The following TMEM116 variants were observed in gnomAD, a reference collection of about 807,000 sequenced individuals.
TMEM116 encodes the protein transmembrane protein 116.
A neutral mutation model predicts 44.3 loss-of-function variants in TMEM116; 38 were observed. The observed-to-expected ratio is 0.86, with a 90% CI of 0.66 to 1.12. The LOEUF is 1.12. Among genes scored for constraint, TMEM116 ranks in the 50% most tolerant of loss-of-function variants. The pLI, the probability that TMEM116 is intolerant of heterozygous loss-of-function variation, is 0.00. For synonymous variants in TMEM116, 132 were observed against 144.8 expected (o/e 0.91, Z 0.64); for missense variants, 354 against 401.7 (o/e 0.88, Z 1.01).
At chr12:112,002,125 T>G (rs1050393305) in intron 3 of TMEM116, among the ~76,000 whole-genome samples, 4 of 152,106 alleles carry the variant, frequency 2.6e-5, no homozygotes, top group Non-Finnish European at 5.9e-5. Flanking sequence ...AAAATTTTGT[T>G]TAGTTTGGAG....
intron 4 of TMEM116, among the ~76,000 whole-genome samples, chr12:111,950,069 C>G (rs533164897): frequency 8.4e-4 from 128 of 152,150 alleles, no homozygotes; most frequent in Admixed American, 2.4e-3. Flanking sequence ...GAGCCAAGAT[C>G]GCACCACTGC....
At chr12:111,949,047 G>A (rs2073511941) in intron 4 of TMEM116, among the ~76,000 whole-genome samples, 1 of 152,156 alleles carries the variant, frequency 6.6e-6, no homozygotes, top group Admixed American at 6.5e-5. Context: ...TTAGGAGTTA[G>A]AGGCTGCAGT....
intron 4 of TMEM116, among the ~76,000 whole-genome samples, chr12:111,945,825 T>C (rs2073230333): frequency 6.6e-6 from 1 of 152,204 alleles, no homozygotes; most frequent in Non-Finnish European, 1.5e-5. Context: ...ATAAAAGAGA[T>C]ATGCATTCAG....
chr12:111,999,049 G>C (rs1053579870), intron 3 of TMEM116, among the ~76,000 whole-genome samples: 1 of 151,794 alleles, frequency 6.6e-6, no homozygotes, highest in Non-Finnish European at 1.5e-5. Flanking sequence ...GTATAACAAG[G>C]CATTATTTTG....
At chr12:111,939,904 G>C (rs2072552067) in intron 5 of TMEM116, among the ~76,000 whole-genome samples, 1 of 135,684 alleles carries the variant, frequency 7.4e-6, no homozygotes, top group Non-Finnish European at 1.5e-5. Flanking sequence ...GTGTGTGTGT[G>C]TGTGTGTGTG....
chr12:111,938,204 C>T lies in TMEM116; in HGVS notation c.322G>A (p.Asp108Asn). Residue 108 changes from aspartate to asparagine, a missense_variant, in exon 6 of 11, where the codon GAT (aspartate) becomes AAT (asparagine). Asp to Asn is a conservative substitution (Grantham distance 23). Coordinates refer to ENST00000552374, the MANE Select transcript of TMEM116 (RefSeq NM_001193531.2). ...SGQSTSPLVI[D>N]YTCRVCQMAF... The stretch of plus-strand genomic sequence containing the variant: ...ATTTGACAAACTCGACAAGTATAAT[C>T]TATCACCTGTGAAAAGAATAAATGT... The T allele has an allele frequency of 6.3e-7, 1 of 1,585,302 alleles. No individual in the cohort carries two copies. Among genetic ancestry groups the T allele is most frequent in the Non-Finnish European group, 8.6e-7 (1 of 1,167,902 alleles).
At chr12:112,004,849 C>T (rs2077492671) in intron 2 of TMEM116, among the ~76,000 whole-genome samples, 1 of 151,248 alleles carries the variant, frequency 6.6e-6, no homozygotes, top group Non-Finnish European at 1.5e-5. Flanking sequence ...AGGGTTTCAC[C>T]ATGTTGCCCA....
chr12:111,989,520 CA>C (rs1447915454), intron 4 of TMEM116, among the ~76,000 whole-genome samples: 2 of 152,086 alleles, frequency 1.3e-5, no homozygotes, highest in Non-Finnish European at 2.9e-5. Flanking sequence ...ATGATGAGAC[CA>C]AATTTACATT....
chr12:112,003,582 A>C (rs2077403998), intron 3 of TMEM116: 1 of 511,236 alleles, frequency 2.0e-6, no homozygotes, highest in Non-Finnish European at 3.1e-6. Flanking sequence ...AAAAAAAAAA[A>C]ATAGTTAATC....
chr12:111,953,143 A>G (rs1453203765), intron 4 of TMEM116, among the ~76,000 whole-genome samples: 1 of 152,204 alleles, frequency 6.6e-6, no homozygotes, highest in Non-Finnish European at 1.5e-5. Flanking sequence ...CACTTACAAA[A>G]TAGCAAAATT....
chr12:112,012,082 C>CTTTA (rs987228579), intron 1 of TMEM116: 2 of 152,224 alleles, frequency 1.3e-5, no homozygotes, highest in African/African-American at 4.8e-5. Flanking sequence ...GCCAGTTCGC[C>CTTTA]TTTACATAGA....
chr12:111,953,796 A>C (rs2073904146), intron 4 of TMEM116, among the ~76,000 whole-genome samples: 1 of 152,122 alleles, frequency 6.6e-6, no homozygotes, highest in Non-Finnish European at 1.5e-5. Flanking sequence ...TATTTCTTTT[A>C]GAGAGTCTCT....
chr12:111,933,625 ACTATAGG>A (rs1024358606), intron 9 of TMEM116, among the ~76,000 whole-genome samples: 1 of 150,758 alleles, frequency 6.6e-6, no homozygotes, highest in African/African-American at 2.4e-5. Flanking sequence ...AGTAGCTGGG[ACTATAGG>A]CGCCTACCAC....
chr12:111,995,902 T>C (rs2076905590), intron 3 of TMEM116, among the ~76,000 whole-genome samples: 1 of 151,786 alleles, frequency 6.6e-6, no homozygotes, highest in Non-Finnish European at 1.5e-5. Context: ...TAGCTGGGCA[T>C]GGTGACACAC....
intron 4 of TMEM116, among the ~76,000 whole-genome samples, chr12:111,947,116 A>C (rs78468442): frequency 1.1e-4 from 17 of 152,192 alleles, no homozygotes; most frequent in Non-Finnish European, 2.1e-4. Context: ...TTGGGTTTTT[A>C]ATTAAAGTGT....
At chr12:111,932,966 C>T (rs775981780) in intron 9 of TMEM116, among the ~76,000 whole-genome samples, 2 of 152,156 alleles carry the variant, frequency 1.3e-5, no homozygotes, top group African/African-American at 2.4e-5. Context: ...TCTGGGCGGG[C>T]GCAGTGGCTC....
chr12:111,998,890 GAA>G (rs2077073476), intron 3 of TMEM116, among the ~76,000 whole-genome samples: 1 of 152,146 alleles, frequency 6.6e-6, no homozygotes, highest in African/African-American at 2.4e-5. Context: ...AAACATATCA[GAA>G]GTCTTTGGCA....
chr12:111,936,716 A>T lies in TMEM116; in HGVS notation c.564T>A (p.Phe188Leu). ...CCATAATGGTAAGGAGGCTGAGTAC[A>T]AAGCTGCCCAGGAAAATGGCGATAC... ...FYGIAIFLGS[F>L]VLSLLTIMVL... is the part of the protein sequence containing the mutation. Residue 188 changes from phenylalanine to leucine, a missense_variant, in exon 8 of 11, where the codon TTT (phenylalanine) becomes TTA (leucine). Physicochemically the swap from Phe to Leu is conservative, Grantham distance 22. Coordinates refer to ENST00000552374, the MANE Select transcript of TMEM116 (RefSeq NM_001193531.2). The T allele has an allele frequency of 6.2e-7, 1 of 1,614,120 alleles. No homozygotes were observed. Among genetic ancestry groups the T allele is most frequent in the Non-Finnish European group, 8.5e-7 (1 of 1,179,992 alleles).
At chr12:111,933,318 C>G (rs2136218164) in intron 9 of TMEM116, among the ~76,000 whole-genome samples, 1 of 152,060 alleles carries the variant, frequency 6.6e-6, no homozygotes, top group Non-Finnish European at 1.5e-5. Context: ...TTAATATCTC[C>G]AAGTCTGTCA....
Sources: gnomAD v4.1 joint callset for allele counts (sites outside exome capture counted in the v4.1 genomes callset) on GRCh38, gnomAD v4.1.1 for gene constraint, MANE v1.5 for transcripts, NCBI Gene and HGNC (gene_info 2026-07-23, HGNC 2026-07-21) for gene names.